ATP7A: variants seen among roughly 807,000 people sequenced by gnomAD.
ATP7A encodes the protein ATPase copper transporting alpha.
ATP7A carries 7 observed loss-of-function variants against 83.5 expected under a neutral mutation model. The ratio of observed to expected loss-of-function variants is 0.08; its 90% CI spans 0.05 to 0.16. ATP7A has a LOEUF of 0.16. ATP7A is among the 10% of genes least tolerant of loss of function. The probability of loss-of-function intolerance (pLI) is 1.00; values close to 1 mark genes in which losing one functional copy is unlikely to be tolerated. For synonymous variants in ATP7A, 354 were observed against 395.2 expected (o/e 0.90, Z 1.24); for missense variants, 940 against 1,120.8 (o/e 0.84, Z 2.30).
At chrX:78,015,512 A>C (rs1300575125) in intron 11 of ATP7A, among the ~76,000 whole-genome samples, 1 of 112,137 alleles carries the variant, frequency 8.9e-6, no homozygotes, top group Admixed American at 9.5e-5. Flanking sequence ...TATTTTTTAA[A>C]ACTTTCATTT....
chrX:78,038,907 A>G lies in ATP7A; in HGVS notation c.3583A>G (p.Ile1195Val). ...REWMIRNGLV[I>V]NNDVNDFMTE... ...GTGGATGATTAGAAATGGTCTTGTC[A>G]TTAATAACGATGTAAATGATTTCAT... is the stretch of plus-strand genomic sequence containing the variant. The change falls in exon 18 of 23, where the codon ATT becomes GTT. Residue 1195 changes from isoleucine to valine, a missense_variant. Transcript: ENST00000341514. 1 of 1,210,803 alleles carries G rather than the reference A, an allele frequency of 8.3e-7. No homozygotes were observed.
intron 5 of ATP7A, 71 bp downstream of exon 5, chrX:77,998,755 G>A (rs2077720733): frequency 1.3e-5 from 13 of 1,039,624 alleles, no homozygotes; most frequent in East Asian, 3.1e-5. Flanking sequence ...TCTCTTACAT[G>A]TTTTGTAACT....
chrX:77,954,392 T>G (rs2077429827), intron 1 of ATP7A, among the ~76,000 whole-genome samples: 1 of 111,831 alleles, frequency 8.9e-6, no homozygotes, highest in Non-Finnish European at 1.9e-5. Flanking sequence ...TCTGCCCACC[T>G]TGGCCTCCCA....
chrX:77,957,478 C>G (rs782471343), intron 1 of ATP7A, among the ~76,000 whole-genome samples: 19 of 107,868 alleles, frequency 1.8e-4, no homozygotes, highest in Non-Finnish European at 3.5e-4. Flanking sequence ...TAAAAAATGA[C>G]CAAATGACGA....
intron 17 of ATP7A, among the ~76,000 whole-genome samples, chrX:78,037,980 G>GTTGTTTTTTTTTTTTT (rs2078023857): frequency 2.0e-5 from 1 of 51,220 alleles, no homozygotes; most frequent in African/African-American, 1.0e-4. Flanking sequence ...ATCAAGAAAG[G>GTTGTTTTTTTTTTTTT]TTTTTTTTTT....
At chrX:78,002,851 A>G (rs1325534123) in intron 5 of ATP7A, among the ~76,000 whole-genome samples, 2 of 107,735 alleles carry the variant, frequency 1.9e-5, no homozygotes, top group African/African-American at 3.4e-5. Context: ...CACATAATTG[A>G]AAATTTCCAT....
intron 1 of ATP7A, chrX:77,969,722 A>G (rs2077535340): frequency 9.2e-7 from 1 of 1,090,262 alleles, no homozygotes; most frequent in African/African-American, 1.8e-5. Flanking sequence ...TCCCACCCTT[A>G]TTCCCTAACC....
intron 1 of ATP7A, among the ~76,000 whole-genome samples, chrX:77,939,344 A>T (rs1557225393): frequency 1.8e-5 from 2 of 111,175 alleles, no homozygotes; most frequent in African/African-American, 6.5e-5. Context: ...TCTGATGAAT[A>T]TTCCTATATT....
At chrX:77,930,861 A>G (rs782689366) in intron 1 of ATP7A, among the ~76,000 whole-genome samples, 15 of 110,611 alleles carry the variant, frequency 1.4e-4, no homozygotes, top group African/African-American at 2.0e-4. Context: ...TCATGCCCCA[A>G]TGGTGACCAG....
intron 11 of ATP7A, 62 bp from the exon 12 acceptor site, chrX:78,015,692 C>T: frequency 1.7e-6 from 2 of 1,194,012 alleles, no homozygotes; most frequent in Non-Finnish European, 2.3e-6. Context: ...AAAGAGCTTA[C>T]ATGGAGAGGT....
At chrX:77,986,725 A>G (rs1170919744) in intron 2 of ATP7A, among the ~76,000 whole-genome samples, 1 of 111,543 alleles carries the variant, frequency 9.0e-6, no homozygotes, top group Non-Finnish European at 1.9e-5. Flanking sequence ...CTTTGCCCCC[A>G]GTATTCATGT....
intron 1 of ATP7A, chrX:77,923,025 CCAAA>C (rs1363447500): frequency 8.9e-6 from 1 of 111,843 alleles, no homozygotes; most frequent in Non-Finnish European, 1.9e-5. Context: ...TCAGAAGAGA[CCAAA>C]CAATTTGCTG....
chrX:78,040,874 ATGCTT>A (rs1298254281), intron 19 of ATP7A, 141 bp downstream of exon 19: 1 of 793,696 alleles, frequency 1.3e-6, no homozygotes, highest in Non-Finnish European at 1.9e-6. Flanking sequence ...AAAATTTACC[ATGCTT>A]TGCTGGAAAG....
chrX:78,033,618 A>G lies in ATP7A; in HGVS notation c.3308A>G (p.Glu1103Gly). The G allele has an allele frequency of 1.7e-6, 2 of 1,211,876 alleles. No individual in the cohort carries two copies. Among genetic ancestry groups the G allele is most frequent in the Non-Finnish European group, 2.2e-6 (2 of 895,432 alleles). ...TCTGTTTGTTAGGAGCTGGACACTG[A>G]AACCTTGGGTACCTGCATAGATTTC... ...TKYCKQELDT[E>G]TLGTCIDFQV... The change falls in exon 17 of 23, where the codon GAA (glutamate) becomes GGA (glycine). Residue 1103 changes from glutamate to glycine, a missense_variant. Physicochemically the swap from Glu to Gly is moderately conservative, Grantham distance 98. This residue lies in a region of ATP7A where 386 missense variants were observed against 502.2 expected (regional missense o/e 0.77). Transcript: ENST00000341514.
chrX:78,009,882 G>A (rs781963927), intron 7 of ATP7A, among the ~76,000 whole-genome samples: 1 of 112,483 alleles, frequency 8.9e-6, no homozygotes, highest in Non-Finnish European at 1.9e-5. Context: ...GATTGCTTAA[G>A]TCCAGGAGTT....
At chrX:78,027,993 GTATTTATTTATT>G (rs201122491) in intron 14 of ATP7A, among the ~76,000 whole-genome samples, 1,622 of 104,604 alleles carry the variant, frequency 0.016, 14 homozygotes, top group Non-Finnish European at 0.021. Flanking sequence ...AGTTTTTTTG[GTATTTATTTATT>G]TATTTATTTA....
intron 2 of ATP7A, among the ~76,000 whole-genome samples, chrX:77,985,553 C>T (rs1557231301): frequency 9.0e-6 from 1 of 111,203 alleles, no homozygotes; most frequent in East Asian, 2.8e-4. Flanking sequence ...ACTGTGTATC[C>T]GCCCTGTCTG....
chrX:78,045,952 C>G (rs782763382), intron 22 of ATP7A, among the ~76,000 whole-genome samples: 2 of 111,852 alleles, frequency 1.8e-5, no homozygotes, highest in East Asian at 5.6e-4. Context: ...CACTGCACTC[C>G]AGCCTAGGCA....
chrX:78,028,551 G>A (rs1418217943), intron 14 of ATP7A, among the ~76,000 whole-genome samples: 1 of 111,278 alleles, frequency 9.0e-6, no homozygotes, highest in Non-Finnish European at 1.9e-5. Context: ...GTTGCCCAGG[G>A]TGGTCTCAAA....
Sources: gnomAD v4.1 joint callset for allele counts (sites outside exome capture counted in the v4.1 genomes callset) on GRCh38, gnomAD v4.1.1 for gene constraint, gnomAD v4.1.1 regional missense constraint, MANE v1.5 for transcripts, NCBI Gene and HGNC (gene_info 2026-07-23, HGNC 2026-07-21) for gene names.